MGMT: variants seen among roughly 807,000 people sequenced by gnomAD.
The protein encoded by MGMT is methylated-DNA--protein-cysteine methyltransferase.
Under a neutral mutation model 15.9 loss-of-function variants are expected in MGMT, and 14 were observed. The observed-to-expected ratio is 0.88, with a 90% confidence interval of 0.58 to 1.37. The LOEUF is 1.37. Among genes scored for constraint, MGMT ranks in the 40% most tolerant of loss-of-function variants. The pLI is 0.00. For synonymous variants in MGMT, 130 were observed against 118.2 expected, an observed-to-expected ratio of 1.10 and a Z score of -0.65; for missense variants, 282 against 268.1, an observed-to-expected ratio of 1.05 and a Z score of -0.36.
intron 2 of MGMT, among the ~76,000 whole-genome samples, chr10:129,685,530 C>T (rs1240985233): frequency 1.3e-5 from 2 of 152,186 alleles, no homozygotes; most frequent in African/African-American, 2.4e-5. Context: ...TCTGTGGGCT[C>T]CTCTCCCCGG....
At chr10:129,646,743 TATA>T (rs1412515247) in intron 2 of MGMT, among the ~76,000 whole-genome samples, 3 of 105,654 alleles carry the variant, frequency 2.8e-5, no homozygotes, top group Admixed American at 1.0e-4. Context: ...TATATATATA[TATA>T]TATATATATT....
intron 2 of MGMT, among the ~76,000 whole-genome samples, chr10:129,690,867 TC>T (rs1847962011): frequency 6.6e-6 from 1 of 151,964 alleles, no homozygotes; most frequent in East Asian, 1.9e-4. Flanking sequence ...AGAGTTTGGA[TC>T]TGATTCTGAG....
At chr10:129,746,260 C>A (rs868738261) in intron 3 of MGMT, among the ~76,000 whole-genome samples, 6,258 of 140,808 alleles carry the variant, frequency 0.044, 447 homozygotes, top group African/African-American at 0.15. Context: ...AAAAAACAAA[C>A]AAAAAAAAAC....
At chr10:129,517,969 T>C (rs1336534408) in intron 1 of MGMT, among the ~76,000 whole-genome samples, 2 of 152,172 alleles carry the variant, frequency 1.3e-5, no homozygotes, top group Non-Finnish European at 2.9e-5. Context: ...GCAGATGTTG[T>C]GTGGCTCGGG....
chr10:129,582,216 G>T (rs1199197795), intron 2 of MGMT, among the ~76,000 whole-genome samples: 1 of 152,204 alleles, frequency 6.6e-6, no homozygotes, highest in Non-Finnish European at 1.5e-5. Context: ...CGTGGACCCC[G>T]CCTGGCCTTC....
At chr10:129,520,575 T>TGA in intron 1 of MGMT, among the ~76,000 whole-genome samples, 1 of 149,082 alleles carries the variant, frequency 6.7e-6, no homozygotes, top group African/African-American at 2.5e-5. Context: ...GCCTCTATGG[T>TGA]GCGGTGCAGA....
chr10:129,761,772 A>T (rs1283534508), intron 4 of MGMT, among the ~76,000 whole-genome samples: 1 of 152,126 alleles, frequency 6.6e-6, no homozygotes, highest in African/African-American at 2.4e-5. Context: ...CGGCGTCCAC[A>T]TGCCTCCTGT....
chr10:129,687,421 T>C (rs1016792717), intron 2 of MGMT, among the ~76,000 whole-genome samples: 7 of 152,214 alleles, frequency 4.6e-5, no homozygotes, highest in Admixed American at 1.3e-4. Flanking sequence ...GAAAATTTAA[T>C]AAGCAAAAGA....
At chr10:129,587,787 TG>T (rs1846634970) in intron 2 of MGMT, among the ~76,000 whole-genome samples, 2 of 152,172 alleles carry the variant, frequency 1.3e-5, no homozygotes, top group Admixed American at 6.5e-5. Context: ...ATAACGACTA[TG>T]TTAATATCCT....
chr10:129,505,315 G>T (rs1241026407), intron 1 of MGMT, among the ~76,000 whole-genome samples: 1 of 152,140 alleles, frequency 6.6e-6, no homozygotes, highest in Non-Finnish European at 1.5e-5. Flanking sequence ...CTCTTGGTTT[G>T]TAAAAATGAA....
chr10:129,603,909 C>G (rs902271719), intron 2 of MGMT, among the ~76,000 whole-genome samples: 1 of 152,194 alleles, frequency 6.6e-6, no homozygotes, highest in Non-Finnish European at 1.5e-5. Flanking sequence ...TAACCCTGTG[C>G]CCTCTTGCAG....
intron 1 of MGMT, among the ~76,000 whole-genome samples, chr10:129,468,650 C>G (rs536765582): frequency 6.6e-6 from 1 of 151,888 alleles, no homozygotes; most frequent in African/African-American, 2.4e-5. Flanking sequence ...TTTGGGAGGC[C>G]GAGGTGGGTG....
intron 2 of MGMT, among the ~76,000 whole-genome samples, chr10:129,649,139 CCT>C (rs1452992737): frequency 2.6e-5 from 4 of 152,226 alleles, no homozygotes; most frequent in Admixed American, 2.0e-4. Context: ...ATCACAGCCC[CCT>C]GTTTTGTCAT....
intron 3 of MGMT, among the ~76,000 whole-genome samples, chr10:129,721,775 G>A (rs1445684540): frequency 1.3e-5 from 2 of 151,556 alleles, no homozygotes; most frequent in South Asian, 4.2e-4. Context: ...ATAGCTCATG[G>A]GCCAACAGAA....
chr10:129,494,830 G>C (rs1845504687), intron 1 of MGMT, among the ~76,000 whole-genome samples: 1 of 152,040 alleles, frequency 6.6e-6, no homozygotes, highest in Admixed American at 6.6e-5. Flanking sequence ...GTATTTATTT[G>C]TTCCTTTATT....
At chr10:129,597,005 A>G (rs1427230133) in intron 2 of MGMT, among the ~76,000 whole-genome samples, 1 of 152,114 alleles carries the variant, frequency 6.6e-6, no homozygotes, top group Non-Finnish European at 1.5e-5. Context: ...TCTGCTGGAG[A>G]TCTAGGAGTT....
At chr10:129,675,099 G>A (rs1245342713) in intron 2 of MGMT, among the ~76,000 whole-genome samples, 1 of 152,178 alleles carries the variant, frequency 6.6e-6, no homozygotes, top group African/African-American at 2.4e-5. Context: ...CCTTGCACTT[G>A]GGGGACCCGA....
chr10:129,479,692 C>A (rs1376967617), intron 1 of MGMT, among the ~76,000 whole-genome samples: 3 of 146,544 alleles, frequency 2.0e-5, no homozygotes, highest in Non-Finnish European at 3.0e-5. Flanking sequence ...CATGTTCTTC[C>A]TTTGGTGGAG....
At chr10:129,525,622 C>T (rs765264876) in intron 1 of MGMT, among the ~76,000 whole-genome samples, 17 of 152,064 alleles carry the variant, frequency 1.1e-4, no homozygotes, top group African/African-American at 2.9e-4. Flanking sequence ...AGGTGCTGTG[C>T]GGTGCGGGGC....
Sources: allele counts gnomAD v4.1 joint callset (sites outside exome capture counted in the v4.1 genomes callset), GRCh38; gene constraint gnomAD v4.1.1; transcripts MANE v1.5; gene names NCBI Gene and HGNC (gene_info 2026-07-23, HGNC 2026-07-21).